FRMD4A: variants seen among roughly 807,000 people sequenced by gnomAD.
FRMD4A encodes the protein FERM domain-containing protein 4A.
In FRMD4A, 29 loss-of-function variants were observed where a neutral mutation model predicts 129.1. The ratio of observed to expected loss-of-function variants is 0.22; its 90% CI spans 0.17 to 0.31. The LOEUF is 0.31. FRMD4A is among the 10% of genes least tolerant of loss of function. The pLI is 1.00. For missense variants in FRMD4A, 1,272 were observed against 1,375.8 expected (o/e 0.92, Z 1.19); for synonymous variants, 634 against 571.6 (o/e 1.11, Z -1.56).
In FRMD4A at chr10:13,657,233, GCTGCCT is replaced by G. The variant is rs750719287; in HGVS notation, c.2350_2355del (p.Gln787_Arg788del). ...CCCAGTGCGCCCGCCGCCCGCTGCC[GCTGCCT>G]CTGCCTCTGGCGCGCCTTGGACGGC... On this transcript the variant is annotated inframe_deletion, in exon 22 of 25. Transcript: ENST00000357447. 1.5e-4 allele frequency: 240 copies of G among 1,578,038 alleles called. No homozygotes were observed. Among genetic ancestry groups the G allele is most frequent in the Middle Eastern group, 5.3e-4 (3 of 5,652 alleles).
intron 4 of FRMD4A, among the ~76,000 whole-genome samples, chr10:13,805,682 C>T (rs1397436582): frequency 3.9e-5 from 6 of 152,032 alleles, no homozygotes; most frequent in Non-Finnish European, 8.8e-5. Context: ...CAAGCTACTT[C>T]TTGATTTTAA....
chr10:13,996,573 C>G (rs2095623267), intron 2 of FRMD4A, among the ~76,000 whole-genome samples: 1 of 152,172 alleles, frequency 6.6e-6, no homozygotes. Context: ...GGGGTACCAT[C>G]TTACTTAAAG....
At chr10:14,037,714 A>G (rs1833567376) in intron 2 of FRMD4A, among the ~76,000 whole-genome samples, 1 of 152,190 alleles carries the variant, frequency 6.6e-6, no homozygotes, top group South Asian at 2.1e-4. Flanking sequence ...ATACCAATTT[A>G]TATCCCCAGT....
At chr10:14,104,329 G>C (rs1222011403) in intron 2 of FRMD4A, among the ~76,000 whole-genome samples, 1 of 152,062 alleles carries the variant, frequency 6.6e-6, no homozygotes, top group African/African-American at 2.4e-5. Flanking sequence ...CACTGCCATC[G>C]AGGTTACACT....
chr10:13,699,237 T>G (rs112322565), intron 14 of FRMD4A, among the ~76,000 whole-genome samples: 4 of 92,228 alleles, frequency 4.3e-5, no homozygotes, highest in African/African-American at 1.1e-4. Flanking sequence ...TTTTTTTTTT[T>G]TTTTTTTTTT....
intron 2 of FRMD4A, among the ~76,000 whole-genome samples, chr10:14,167,949 C>A (rs975608017): frequency 6.6e-6 from 1 of 152,220 alleles, no homozygotes; most frequent in Non-Finnish European, 1.5e-5. Context: ...GGATCACCTG[C>A]ATCAGAGTCC....
chr10:14,033,671 G>T (rs577230333), intron 2 of FRMD4A, among the ~76,000 whole-genome samples: 2 of 152,204 alleles, frequency 1.3e-5, no homozygotes, highest in East Asian at 3.9e-4. Flanking sequence ...TGTAATCCCA[G>T]TTACGTGGGA....
At chr10:13,990,711 C>T (rs552763487) in intron 2 of FRMD4A, among the ~76,000 whole-genome samples, 8 of 152,246 alleles carry the variant, frequency 5.3e-5, no homozygotes, top group African/African-American at 9.6e-5. Context: ...AGCCCTAGGA[C>T]GGTGACCTCT....
At chr10:14,194,501 C>A (rs1030766331) in intron 2 of FRMD4A, among the ~76,000 whole-genome samples, 3 of 152,224 alleles carry the variant, frequency 2.0e-5, no homozygotes, top group Non-Finnish European at 4.4e-5. Context: ...GTCCCAGCTA[C>A]TCGGGAGGCT....
intron 2 of FRMD4A, among the ~76,000 whole-genome samples, chr10:13,966,878 G>A (rs942297555): frequency 1.3e-5 from 2 of 152,230 alleles, no homozygotes; most frequent in African/African-American, 2.4e-5. Flanking sequence ...TACATAGGAT[G>A]GAATATTGCT....
At chr10:13,878,759 T>C (rs986887256) in intron 2 of FRMD4A, among the ~76,000 whole-genome samples, 4 of 90,062 alleles carry the variant, frequency 4.4e-5, no homozygotes, top group African/African-American at 8.9e-5. Context: ...TCACAAAACA[T>C]AGAAAGAAAA....
At chr10:14,259,134 G>A (rs1403316069) in intron 2 of FRMD4A, among the ~76,000 whole-genome samples, 1 of 152,062 alleles carries the variant, frequency 6.6e-6, no homozygotes, top group African/African-American at 2.4e-5. Flanking sequence ...CTTTAAAAAT[G>A]TTCAGTTTAC....
At chr10:13,928,642 C>G (rs573223096) in intron 2 of FRMD4A, among the ~76,000 whole-genome samples, 2 of 152,076 alleles carry the variant, frequency 1.3e-5, no homozygotes, top group Non-Finnish European at 1.5e-5. Context: ...ATGGCCTGTT[C>G]GTGATTTGGC....
At chr10:14,039,373 TCC>T (rs1833657618) in intron 2 of FRMD4A, among the ~76,000 whole-genome samples, 9 of 108,090 alleles carry the variant, frequency 8.3e-5, no homozygotes, top group African/African-American at 3.8e-4. Context: ...CGTCCGTCCA[TCC>T]ATCCATCCAT....
intron 2 of FRMD4A, among the ~76,000 whole-genome samples, chr10:14,255,815 G>A (rs540990331): frequency 6.6e-6 from 1 of 152,128 alleles, no homozygotes; most frequent in South Asian, 2.1e-4. Flanking sequence ...AGACCAGCCT[G>A]ACCAACATGG....
intron 18 of FRMD4A, among the ~76,000 whole-genome samples, chr10:13,664,073 G>A (rs1445326071): frequency 6.6e-6 from 1 of 152,152 alleles, no homozygotes; most frequent in Non-Finnish European, 1.5e-5. Context: ...CACCCAAAAG[G>A]GAGATGGTAA....
intron 4 of FRMD4A, among the ~76,000 whole-genome samples, chr10:13,806,465 C>T (rs1489054497): frequency 6.6e-6 from 1 of 152,154 alleles, no homozygotes; most frequent in Admixed American, 6.5e-5. Context: ...GCTTGTTCTC[C>T]TACTGTTAGG....
intron 2 of FRMD4A, among the ~76,000 whole-genome samples, chr10:13,913,954 G>A (rs982368205): frequency 3.3e-5 from 5 of 152,214 alleles, no homozygotes; most frequent in African/African-American, 1.2e-4. Context: ...CAACCATAGT[G>A]ACTGGGGGAA....
chr10:14,071,088 T>G (rs1467304174), intron 2 of FRMD4A, among the ~76,000 whole-genome samples: 3 of 152,224 alleles, frequency 2.0e-5, no homozygotes, highest in Admixed American at 1.3e-4. Flanking sequence ...AGAACCCGGA[T>G]CCCTGGACAC....
Sources: gnomAD v4.1 joint callset for allele counts (sites outside exome capture counted in the v4.1 genomes callset) on GRCh38, gnomAD v4.1.1 for gene constraint, MANE v1.5 for transcripts, NCBI Gene and HGNC (gene_info 2026-07-23, HGNC 2026-07-21) for gene names.